The following MSH5 variants were observed in gnomAD, a reference collection of about 807,000 sequenced individuals.
MSH5 encodes mutS homolog 5.
MSH5 carries 78 observed loss-of-function variants against 107.7 expected under a neutral mutation model. That is an observed-to-expected ratio of 0.72 (90% confidence interval 0.60 to 0.87). The LOEUF is 0.87. Among genes scored for constraint, MSH5 ranks in the 40% least tolerant of loss-of-function variants. The pLI is 0.00. For synonymous variants in MSH5, 326 were observed against 399.5 expected, an observed-to-expected ratio of 0.82 and a Z score of 2.19; for missense variants, 889 against 1,046.6, an observed-to-expected ratio of 0.85 and a Z score of 2.08.
rs1362682982 is a variant in MSH5, at chr6:31,758,013, A to G, written c.1015-152A>G. 2 of 869,954 alleles carry G rather than the reference A, an allele frequency of 2.3e-6. No individual in the cohort carries two copies. Among genetic ancestry groups the G allele is most frequent in the Admixed American group, 2.4e-5 (1 of 41,992 alleles). 53.9% of individuals were successfully genotyped at this position (869,954 alleles called of 1,614,324 possible). On this transcript the variant is annotated intron_variant, in intron 12 of 24. Coordinates refer to ENST00000375750, the MANE Select transcript of MSH5 (RefSeq NM_172166.4). This position sits in a 1 kb window ranked among gnomAD's most constrained non-coding sequence, Gnocchi z 5.1. The stretch of plus-strand genomic sequence containing the variant: ...TCTTTGTAGTTTCAGTGTTTGGTAC[A>G]GTGCCTCTCACTGTTTCTTTTTGCC...
intron 10 of MSH5, among the ~76,000 whole-genome samples, chr6:31,752,551 C>G (rs1439005217): frequency 6.6e-6 from 1 of 152,000 alleles, no homozygotes; most frequent in East Asian, 1.9e-4. Context: ...GAAACCCTGA[C>G]TCTACTAAAA....
chr6:31,753,711 C>A, intron 12 of MSH5, 82 bp downstream of exon 12: 1 of 1,305,544 alleles, frequency 7.7e-7, no homozygotes, highest in Non-Finnish European at 1.1e-6. Context: ...CCTAGACATG[C>A]TGTCCAATTT....
rs1255159118 is a variant in MSH5, at chr6:31,759,563, G to A, written c.1495+51G>A. 1.1e-5 allele frequency: 18 copies of A among 1,595,958 alleles called. No individual in the cohort carries two copies. The highest frequency in any genetic ancestry group is 1.5e-5 in the Non-Finnish European group (18 of 1,167,900). The stretch of plus-strand genomic sequence containing the variant: ...CATTGTAAGATGTTTAAAAAAAGCA[G>A]CAGCCAGGGGAAGGAGGGGAGTGGG... On this transcript the variant is annotated intron_variant, in intron 17 of 24. Transcript: ENST00000375750. The surrounding 1 kb of genome is among the most constrained non-coding windows in gnomAD (Gnocchi z 4.7).
intron 5 of MSH5, 119 bp from the exon 6 acceptor site, chr6:31,743,785 C>T (rs1809135430): frequency 6.3e-6 from 9 of 1,424,184 alleles, no homozygotes; most frequent in Non-Finnish European, 8.5e-6. Flanking sequence ...TTTCCATTAA[C>T]TGCCTGTGTG....
intron 12 of MSH5, chr6:31,754,001 C>G (rs1810211946): frequency 5.2e-6 from 1 of 192,612 alleles, no homozygotes; most frequent in African/African-American, 2.3e-5. Flanking sequence ...GCTGGGATTA[C>G]AGGTGTGAAC....
chr6:31,743,382 G>T (rs1177742187), intron 5 of MSH5: 9 of 608,476 alleles, frequency 1.5e-5, no homozygotes, highest in Non-Finnish European at 2.3e-5. Context: ...CTTAAGTCAT[G>T]TCTAGGGATG....
rs1810655349 is a variant in MSH5 at position 31,758,495 on chromosome 6, G to A, written c.1144-53G>A. The A allele has an allele frequency of 1.2e-6, 2 of 1,601,550 alleles. No individual in the cohort carries two copies. Among genetic ancestry groups the A allele is most frequent in the Non-Finnish European group, 1.7e-6 (2 of 1,169,846 alleles). ...GGAGAATTGGGGCCCAAGGAGAGCT[G>A]AGGAACAGGACAGAGGGTGCCAGGT... On this transcript the variant is annotated intron_variant, in intron 13 of 24. Transcript: ENST00000375750. This position sits in a 1 kb window ranked among gnomAD's most constrained non-coding sequence, Gnocchi z 5.1.
rs150984307 is a variant in MSH5, at chr6:31,749,152, G to T, written c.812+1720G>T. Among the ~76,000 whole-genome samples, 1,019 of 152,140 alleles carry T rather than the reference G, an allele frequency of 6.7e-3. 7 individuals are homozygous for T. The highest frequency in any genetic ancestry group is 0.024 in the Middle Eastern group (7 of 294). ...GCTGGTCTTGAACTGCTGACCTCGTGATCTGCCCACCTCGGCCTCCCAAAG... is the reference window on the plus strand; with the variant it reads ...GCTGGTCTTGAACTGCTGACCTCGTTATCTGCCCACCTCGGCCTCCCAAAG... On this transcript the variant is annotated intron_variant, in intron 10 of 24. Transcript: ENST00000375750.
At chr6:31,741,404 A>T (rs142798757) in intron 3 of MSH5, 118 bp downstream of exon 3, 430 of 1,370,996 alleles carry the variant, frequency 3.1e-4, no homozygotes, top group Admixed American at 1.4e-3. Flanking sequence ...TTCTAGACAG[A>T]GTCTTGCTCT....
intron 3 of MSH5, among the ~76,000 whole-genome samples, chr6:31,741,996 C>T (rs181932150): frequency 6.6e-6 from 1 of 152,154 alleles, no homozygotes; most frequent in Admixed American, 6.6e-5. Context: ...CACTCATACC[C>T]ACCAACACAC....
chr6:31,740,611 G>A lies in MSH5; in HGVS notation c.145G>A (p.Glu49Lys), dbSNP rs1808774553. The A allele has an allele frequency of 1.3e-6, 2 of 1,498,610 alleles. No homozygotes were observed. The highest frequency in any genetic ancestry group is 1.3e-5 in the South Asian group (1 of 77,740). The allele number at this position is 1,498,610 out of a possible 1,614,324, so 92.8% of individuals were successfully genotyped here. The change falls in exon 2 of 25, where the codon GAG (glutamate) becomes AAG (lysine). Residue 49 changes from glutamate (E) to lysine (K), a missense_variant and splice_region_variant. Physicochemically the swap from Glu to Lys is moderately conservative, Grantham distance 56. This residue lies in a region of MSH5 where 518 missense variants were observed against 565.0 expected (regional missense o/e 0.92). Transcript: ENST00000375750. This position sits in a 1 kb window ranked among gnomAD's most constrained non-coding sequence, Gnocchi z 4.4. Reference protein sequence around the residue: ...EEVEEEEELAEIHLCVLWNSG... With the variant: ...EEVEEEEELAKIHLCVLWNSG... ...AGTCGAGGAGGAGGAGGAGCTGGCC[G>A]AGGTCTCTGAGGGGAGTAGAAACTT...
chr6:31,747,296 T>C, intron 9 of MSH5, 91 bp from the exon 10 acceptor site: 3 of 1,410,980 alleles, frequency 2.1e-6, no homozygotes, highest in Non-Finnish European at 2.0e-6. Context: ...CCAGCACCTC[T>C]GACCTGGATG....
intron 7 of MSH5, 51 bp from the exon 8 acceptor site, chr6:31,744,495 G>C (rs1207422124): frequency 1.2e-6 from 2 of 1,602,394 alleles, no homozygotes; most frequent in South Asian, 2.2e-5. Flanking sequence ...AGGAAGTGGA[G>C]TTGTGGAACG....
intron 3 of MSH5, 99 bp from the exon 4 acceptor site, chr6:31,742,778 T>G: frequency 1.7e-6 from 2 of 1,148,818 alleles, no homozygotes; most frequent in Non-Finnish European, 2.6e-6. Flanking sequence ...GAGGAAATGT[T>G]TTTGAGAAGG....
At position 31,760,159 on chromosome 6, in the gene MSH5, G is replaced by A. The variant is rs1211891605; in HGVS notation, c.1755G>A (p.Gly585=). 1 of 1,611,890 alleles carries A rather than the reference G, an allele frequency of 6.2e-7. No homozygotes were observed. The highest frequency in any genetic ancestry group is 1.7e-5 in the Admixed American group (1 of 59,676). ...CCACAGAATGTGGTGGGGACAAAGG[G>A]AGGGTCAAAGTCATCACTGGACCCA... The part of the protein sequence containing the change: ...PNSTECGGDK[G]RVKVITGPNS... Residue 585 remains glycine, a synonymous_variant, in exon 19 of 25, where the codon GGG becomes GGA. Coordinates refer to ENST00000375750, the MANE Select transcript of MSH5 (RefSeq NM_172166.4). The surrounding 1 kb of genome is among the most constrained non-coding windows in gnomAD (Gnocchi z 5.6).
chr6:31,744,072 T>C, intron 6 of MSH5, 47 bp downstream of exon 6: 1 of 1,611,160 alleles, frequency 6.2e-7, no homozygotes, highest in Non-Finnish European at 8.5e-7. Flanking sequence ...GCACAAGTGC[T>C]AGGGCTGAAT....
rs1234268237 is a variant in MSH5, at chr6:31,761,907, A to G, written c.2271A>G (p.Thr757=). The change falls in exon 23 of 25, where the codon ACA becomes ACG. Residue 757 remains threonine, a synonymous_variant. Coordinates refer to ENST00000375750, the MANE Select transcript of MSH5 (RefSeq NM_172166.4). The surrounding 1 kb of genome is among the most constrained non-coding windows in gnomAD (Gnocchi z 5.3). The part of the protein sequence containing the change: ...GVAKASHASH[T]AAQAGLPDKL... ...CGAAGGCCAGCCATGCCTCCCACAC[A>G]GCTGCCCAGGCTGGGCTTCCTGACA... 3 of 1,613,534 alleles carry G rather than the reference A, an allele frequency of 1.9e-6. No homozygotes were observed. In the South Asian group the frequency reaches 3.3e-5, roughly 18 times the overall value.
intron 10 of MSH5, among the ~76,000 whole-genome samples, chr6:31,749,914 T>C (rs1809798381): frequency 1.3e-5 from 2 of 152,164 alleles, no homozygotes; most frequent in Admixed American, 6.5e-5. Flanking sequence ...CCCGCTGCAA[T>C]ATGTATCTTG....
chr6:31,743,384 C>G, intron 5 of MSH5: 1 of 608,116 alleles, frequency 1.6e-6, no homozygotes, highest in Non-Finnish European at 2.9e-6. Flanking sequence ...TAAGTCATGT[C>G]TAGGGATGAG....
Sources: allele counts gnomAD v4.1 joint callset (sites outside exome capture counted in the v4.1 genomes callset), GRCh38; gene constraint gnomAD v4.1.1; regional missense constraint gnomAD v4.1.1; non-coding constraint Gnocchi (gnomAD v3.1); transcripts MANE v1.5; gene names NCBI Gene and HGNC (gene_info 2026-07-23, HGNC 2026-07-21).